The following PIP4P2 variants were observed in gnomAD, a reference collection of about 807,000 sequenced individuals.
The protein encoded by PIP4P2 is phosphatidylinositol-4,5-bisphosphate 4-phosphatase 2.
PIP4P2 carries 19 observed loss-of-function variants against 33.3 expected under a neutral mutation model. That is an observed-to-expected ratio of 0.57 (90% CI 0.40 to 0.84). The LOEUF is 0.84. PIP4P2 is among the 40% of genes least tolerant of loss of function. PIP4P2 has a pLI of 0.00. For synonymous variants in PIP4P2, 110 were observed against 111.9 expected (o/e 0.98, Z 0.11); for missense variants, 270 against 324.7 (o/e 0.83, Z 1.29).
At chr8:91,025,840 G>A (rs1812076318) in intron 1 of PIP4P2, among the ~76,000 whole-genome samples, 1 of 152,100 alleles carries the variant, frequency 6.6e-6, no homozygotes, top group South Asian at 2.1e-4. Context: ...TGGCCACTAT[G>A]GGTTAGCTGC....
At position 91,002,819 on chromosome 8, in the gene PIP4P2, T is replaced by A. The variant is rs189461237; in HGVS notation, c.539+5924A>T. Among the ~76,000 whole-genome samples the A allele has an allele frequency of 6.8e-4, 104 of 152,230 alleles. 1 individual carries two copies. The highest frequency in any genetic ancestry group is 1.8e-3 in the Admixed American group (28 of 15,276). On this transcript the variant is annotated intron_variant, in intron 5 of 6. Coordinates refer to ENST00000285419, the MANE Select transcript of PIP4P2 (RefSeq NM_018710.3). ...AAAGGAGTAGCCAGGCCATTCTAGGTCTAGCAGGATAAGACTCAGGAACAG... is the reference window on the plus strand; with the variant it reads ...AAAGGAGTAGCCAGGCCATTCTAGGACTAGCAGGATAAGACTCAGGAACAG...
chr8:90,995,660 C>T lies in PIP4P2; in HGVS notation c.*17G>A, dbSNP rs753477374. On this transcript the variant is annotated 3_prime_UTR_variant, in exon 7 of 7. Transcript: ENST00000285419. ...CTGCTAGACACTCTCACCTGCATTACTGAATCATAAACAAGCTTATGCAAA... is the reference window on the plus strand; with the variant it reads ...CTGCTAGACACTCTCACCTGCATTATTGAATCATAAACAAGCTTATGCAAA... The T allele has an allele frequency of 4.4e-6, 7 of 1,604,350 alleles. No individual in the cohort carries two copies.
intron 1 of PIP4P2, among the ~76,000 whole-genome samples, chr8:91,029,786 C>T (rs1379612974): frequency 1.3e-5 from 2 of 151,950 alleles, no homozygotes; most frequent in Admixed American, 1.3e-4. Flanking sequence ...CTGGCTAACA[C>T]GGTGAAATCC....
At chr8:91,036,046 C>A (rs1188823835) in intron 1 of PIP4P2, among the ~76,000 whole-genome samples, 1 of 151,944 alleles carries the variant, frequency 6.6e-6, no homozygotes, top group African/African-American at 2.4e-5. Flanking sequence ...AAACTGGAGG[C>A]CTCTGGCCTG....
chr8:91,010,851 A>G (rs1478766014), intron 4 of PIP4P2, among the ~76,000 whole-genome samples: 1 of 151,458 alleles, frequency 6.6e-6, no homozygotes, highest in Non-Finnish European at 1.5e-5. Context: ...AATCATTTTT[A>G]GTAGAGATCT....
intron 1 of PIP4P2, among the ~76,000 whole-genome samples, chr8:91,024,083 T>A (rs992151064): frequency 6.6e-6 from 1 of 151,972 alleles, no homozygotes; most frequent in Non-Finnish European, 1.5e-5. Context: ...AGAGGTGAAG[T>A]AGTCAGGGGA....
chr8:91,038,775 G>A (rs936509137), intron 1 of PIP4P2, among the ~76,000 whole-genome samples: 2 of 152,146 alleles, frequency 1.3e-5, no homozygotes, highest in African/African-American at 4.8e-5. Context: ...TAGGTGTTAT[G>A]TCATATGAAA....
chr8:91,002,283 G>T (rs1287689433), intron 5 of PIP4P2, among the ~76,000 whole-genome samples: 1 of 152,020 alleles, frequency 6.6e-6, no homozygotes, highest in African/African-American at 2.4e-5. Flanking sequence ...CAGCTAATTG[G>T]TTTTTTATAT....
At chr8:91,034,441 T>C (rs1812209848) in intron 1 of PIP4P2, among the ~76,000 whole-genome samples, 1 of 152,204 alleles carries the variant, frequency 6.6e-6, no homozygotes, top group Admixed American at 6.5e-5. Flanking sequence ...TTCACCAATG[T>C]GTGGGCTCTA....
At chr8:91,009,642 C>T (rs1202815957) in intron 4 of PIP4P2, among the ~76,000 whole-genome samples, 17 of 151,686 alleles carry the variant, frequency 1.1e-4, no homozygotes, top group Admixed American at 9.9e-4. Flanking sequence ...GAAATCTAGG[C>T]CAACAATTTT....
At chr8:91,007,480 A>C (rs1207287861) in intron 5 of PIP4P2, among the ~76,000 whole-genome samples, 1 of 152,216 alleles carries the variant, frequency 6.6e-6, no homozygotes, top group Admixed American at 6.5e-5. Flanking sequence ...GGATCACACA[A>C]ATTAAAATAT....
chr8:91,018,573 G>A lies in PIP4P2; in HGVS notation c.363-60C>T. The A allele has an allele frequency of 5.6e-6, 9 of 1,604,106 alleles. No individual in the cohort carries two copies. The South Asian group carries it at 9.9e-5, about 18-fold the overall frequency. On this transcript the variant is annotated intron_variant, in intron 3 of 6. Transcript: ENST00000285419. The stretch of plus-strand genomic sequence containing the variant: ...CACAAATGGACTGAGAGCAAAACCT[G>A]CAACATATGGCCAAAAATATGAAAT...
chr8:91,040,682 GGA>G lies in PIP4P2; in HGVS notation c.66_67del (p.Pro23HisfsTer54). Reference sequence around the variant, plus strand: ...TTCTTGCAAGTACGGTGGGGCGGTGGGAGTGACATTTCCGGAGTGGGATGCTG... The same window carrying G: ...TTCTTGCAAGTACGGTGGGGCGGTGGGTGACATTTCCGGAGTGGGATGCTG... On this transcript the variant is annotated frameshift_variant, in exon 1 of 7. Coordinates refer to ENST00000285419, the MANE Select transcript of PIP4P2 (RefSeq NM_018710.3). LOFTEE classifies it high-confidence loss of function. The G allele has an allele frequency of 2.5e-6, 4 of 1,613,496 alleles. No homozygotes were observed. Among genetic ancestry groups the G allele is most frequent in the Non-Finnish European group, 2.5e-6 (3 of 1,180,028 alleles).
chr8:91,008,391 C>T (rs1330673173), intron 5 of PIP4P2, among the ~76,000 whole-genome samples: 1 of 152,040 alleles, frequency 6.6e-6, no homozygotes, highest in African/African-American at 2.4e-5. Flanking sequence ...AAGTCCAGAA[C>T]AATTTGAGTT....
intron 5 of PIP4P2, among the ~76,000 whole-genome samples, chr8:91,002,444 T>C (rs985696750): frequency 1.3e-5 from 2 of 152,162 alleles, no homozygotes; most frequent in Non-Finnish European, 2.9e-5. Context: ...AACACTAGGA[T>C]TATGAAGAAC....
Position 91,040,681 on chromosome 8 carries a change from G to A in PIP4P2, c.69C>T (p.Pro23=). Reference sequence around the variant, plus strand: ...TTTCTTGCAAGTACGGTGGGGCGGTGGGAGTGACATTTCCGGAGTGGGATG... The same window carrying A: ...TTTCTTGCAAGTACGGTGGGGCGGTAGGAGTGACATTTCCGGAGTGGGATG... The part of the protein sequence containing the change: ...LSASHSGNVT[P]TAPPYLQESS... The change falls in exon 1 of 7, where the codon CCC becomes CCT. Residue 23 remains proline, a synonymous_variant. Transcript: ENST00000285419. The A allele has an allele frequency of 6.2e-7, 1 of 1,613,538 alleles. No homozygotes were observed. Among genetic ancestry groups the A allele is most frequent in the Non-Finnish European group, 8.5e-7 (1 of 1,180,030 alleles).
At chr8:91,021,555 A>G in intron 1 of PIP4P2, 151 bp from the exon 2 acceptor site, 1 of 839,022 alleles carries the variant, frequency 1.2e-6, no homozygotes, top group East Asian at 2.7e-5. Flanking sequence ...TCTTACTTTT[A>G]GAGCACAAAC....
At chr8:90,997,435 A>C (rs1416849915) in intron 5 of PIP4P2, among the ~76,000 whole-genome samples, 1 of 152,104 alleles carries the variant, frequency 6.6e-6, no homozygotes, top group Non-Finnish European at 1.5e-5. Context: ...ATCATTCTTA[A>C]GATTTTTAAA....
chr8:91,025,570 A>G (rs1364645090), intron 1 of PIP4P2, among the ~76,000 whole-genome samples: 1 of 152,134 alleles, frequency 6.6e-6, no homozygotes. Context: ...CTCAATGACA[A>G]TATTTGGCAG....
Sources: gnomAD v4.1 joint callset for allele counts (sites outside exome capture counted in the v4.1 genomes callset) on GRCh38, gnomAD v4.1.1 for gene constraint, MANE v1.5 for transcripts, NCBI Gene and HGNC (gene_info 2026-07-23, HGNC 2026-07-21) for gene names.